The following ADGRG2 variants were observed in gnomAD, a reference collection of about 807,000 sequenced individuals.
ADGRG2 encodes the protein adhesion G protein-coupled receptor G2, also known as G protein-coupled receptor 64.
A neutral mutation model predicts 74.1 loss-of-function variants in ADGRG2; 26 were observed. The observed-to-expected ratio is 0.35, with a 90% CI of 0.26 to 0.49. The LOEUF is 0.49. Among genes scored for constraint, ADGRG2 ranks in the 20% least tolerant of loss-of-function variants. ADGRG2 has a pLI of 0.99. For synonymous variants in ADGRG2, 296 were observed against 295.2 expected, an observed-to-expected ratio of 1.00 and a Z score of -0.03; for missense variants, 619 against 763.1, an observed-to-expected ratio of 0.81 and a Z score of 2.22.
At chrX:19,078,403 A>T (rs2061788518) in intron 2 of ADGRG2, among the ~76,000 whole-genome samples, 1 of 110,228 alleles carries the variant, frequency 9.1e-6, no homozygotes, top group African/African-American at 3.3e-5. Flanking sequence ...AAAAAAATAA[A>T]AAAATTAGCC....
intron 3 of ADGRG2, among the ~76,000 whole-genome samples, chrX:19,049,782 GAAGA>G (rs2061281668): frequency 9.0e-6 from 1 of 111,163 alleles, no homozygotes; most frequent in South Asian, 3.8e-4. Flanking sequence ...GATAGAGTGT[GAAGA>G]AAGAACCCTC....
At chrX:19,028,160 T>TA (rs752545926) in intron 10 of ADGRG2, 23 bp downstream of exon 10, 115 of 867,162 alleles carry the variant, frequency 1.3e-4, no homozygotes, top group Non-Finnish European at 1.6e-4. Context: ...AAGATTGCAG[T>TA]AAAAAAAATC....
intron 19 of ADGRG2, among the ~76,000 whole-genome samples, chrX:19,007,563 A>G (rs2060263342): frequency 8.9e-6 from 1 of 112,356 alleles, no homozygotes; most frequent in South Asian, 3.7e-4. Context: ...ACTGAGCTAA[A>G]GCGCACAGAT....
At chrX:19,069,614 C>T (rs2061620685) in intron 2 of ADGRG2, among the ~76,000 whole-genome samples, 1 of 111,377 alleles carries the variant, frequency 9.0e-6, no homozygotes, top group South Asian at 3.8e-4. Flanking sequence ...CCAGGCCCCA[C>T]TGGCAGAGTG....
intron 1 of ADGRG2, among the ~76,000 whole-genome samples, chrX:19,121,951 C>T (rs974855651): frequency 1.6e-4 from 18 of 111,967 alleles, no homozygotes; most frequent in Non-Finnish European, 2.6e-4. Context: ...CCCGGGGCCA[C>T]CTGTTCGGGG....
intron 24 of ADGRG2, among the ~76,000 whole-genome samples, chrX:19,000,990 C>T (rs1431726439): frequency 9.0e-6 from 1 of 111,272 alleles, no homozygotes; most frequent in East Asian, 2.8e-4. Flanking sequence ...CCACCTCGGC[C>T]TCCCAAAGTG....
chrX:19,086,292 T>G (rs1179418234), intron 1 of ADGRG2, among the ~76,000 whole-genome samples: 1 of 111,157 alleles, frequency 9.0e-6, no homozygotes, highest in African/African-American at 3.3e-5. Context: ...TATCAACTTA[T>G]GTAAGACATG....
intron 24 of ADGRG2, among the ~76,000 whole-genome samples, chrX:19,002,225 G>A (rs1387255617): frequency 9.0e-6 from 1 of 110,710 alleles, no homozygotes; most frequent in Non-Finnish European, 1.9e-5. Context: ...TAAGTCAGGT[G>A]GAGTTGAGGG....
chrX:19,028,260 G>A (rs757033700), intron 9 of ADGRG2, 22 bp from the exon 10 acceptor site: 29 of 769,456 alleles, frequency 3.8e-5, no homozygotes, highest in Non-Finnish European at 4.4e-5. Flanking sequence ...TTTTCAAAAA[G>A]ATATTTGAGA....
chrX:19,003,920 T>A lies in ADGRG2; in HGVS notation c.1962-806A>T, dbSNP rs1224722390. Among the ~76,000 whole-genome samples the A allele has an allele frequency of 6.2e-5, 7 of 112,183 alleles. No homozygotes were observed. The Admixed American group carries it at 6.6e-4, about 11-fold the overall frequency. Reference sequence around the variant, plus strand: ...AATAGCATAGGAGAAGCCAGCTAATTGATGACATGTTCATGTTTATGCATG... The same window carrying A: ...AATAGCATAGGAGAAGCCAGCTAATAGATGACATGTTCATGTTTATGCATG... On this transcript the variant is annotated intron_variant, in intron 23 of 28. Transcript: ENST00000379869.
At position 18,990,425 on chromosome X, in the gene ADGRG2, A is replaced by G. The variant is rs945260465; in HGVS notation, c.*439T>C. The G allele has an allele frequency of 8.8e-6, 1 of 113,684 alleles. No individual in the cohort carries two copies. The highest frequency in any genetic ancestry group is 3.2e-5 in the African/African-American group (1 of 31,039). 9.4% of individuals were successfully genotyped at this position (113,684 alleles called of 1,213,427 possible). A position where few individuals can be genotyped will look rare whatever the true frequency, so the allele number is the denominator to read the frequency against. On this transcript the variant is annotated 3_prime_UTR_variant, in exon 29 of 29. Coordinates refer to ENST00000379869, the MANE Select transcript of ADGRG2 (RefSeq NM_001079858.3). ...AGAAAATAAATACAAAAAAATGTAG[A>G]AGTAAGATTTTTGACACATGGGTCA...
At chrX:18,993,454 G>A (rs2059958556) in intron 28 of ADGRG2, among the ~76,000 whole-genome samples, 1 of 108,660 alleles carries the variant, frequency 9.2e-6, no homozygotes, top group African/African-American at 3.4e-5. Flanking sequence ...AGGCTGAGGC[G>A]GGAGGATCAC....
chrX:19,006,081 T>C lies in ADGRG2; in HGVS notation c.1760A>G (p.Asn587Ser). 8.3e-7 allele frequency: 1 copy of C among 1,206,594 alleles called. No homozygotes were observed. Among genetic ancestry groups the C allele is most frequent in the African/African-American group, 1.7e-5 (1 of 57,651 alleles). The change falls in exon 22 of 29, where the codon AAT becomes AGT. Residue 587 changes from asparagine (N) to serine (S), a missense_variant. Coordinates refer to ENST00000379869, the MANE Select transcript of ADGRG2 (RefSeq NM_001079858.3). Reference sequence around the variant, plus strand: ...TCTCCTGTCTTTGACAGAGCAGCCATTGTCTGACCAGCCTCCTCTGCCACC... The same window carrying C: ...TCTCCTGTCTTTGACAGAGCAGCCACTGTCTGACCAGCCTCCTCTGCCACC... Reference protein sequence around the residue: ...RNGGRGGWSDNGCSVKDRRLN... With the variant: ...RNGGRGGWSDSGCSVKDRRLN...
intron 1 of ADGRG2, among the ~76,000 whole-genome samples, chrX:19,096,369 GCCACTGTACT>G (rs2062096287): frequency 9.6e-6 from 1 of 104,009 alleles, no homozygotes; most frequent in African/African-American, 3.6e-5. Flanking sequence ...CCAAGATTGC[GCCACTGTACT>G]CCAGCCTGGG....
At chrX:19,033,529 G>C (rs760738835) in intron 8 of ADGRG2, 84 bp downstream of exon 8, 1 of 519,757 alleles carries the variant, frequency 1.9e-6, no homozygotes, top group South Asian at 2.7e-5. Flanking sequence ...GGAAAAAAGA[G>C]AAAGAAATTA....
chrX:18,989,328 T>G lies in ADGRG2; in HGVS notation c.*1536A>C, dbSNP rs1386657409. 8.9e-6 allele frequency: 1 copy of G among 112,397 alleles called. No homozygotes were observed. Among genetic ancestry groups the G allele is most frequent in the Non-Finnish European group, 1.9e-5 (1 of 53,339 alleles). The allele number at this position is 112,397 out of a possible 1,213,427, so 9.3% of individuals were successfully genotyped here. On this transcript the variant is annotated 3_prime_UTR_variant, in exon 29 of 29. Coordinates refer to ENST00000379869, the MANE Select transcript of ADGRG2 (RefSeq NM_001079858.3). ...AAACTTAAAGATCTTAACTGCAAAT[T>G]TATTTCATTGATTTTAACATTTTTG...
At chrX:19,026,653 G>A (rs1445234592) in intron 11 of ADGRG2, among the ~76,000 whole-genome samples, 3 of 110,335 alleles carry the variant, frequency 2.7e-5, no homozygotes, top group Middle Eastern at 4.6e-3. Context: ...CCACCACCAC[G>A]CCCGGCTAAT....
intron 2 of ADGRG2, among the ~76,000 whole-genome samples, chrX:19,071,784 T>C (rs1364234368): frequency 9.0e-6 from 1 of 110,620 alleles, no homozygotes; most frequent in Non-Finnish European, 1.9e-5. Flanking sequence ...AAATTAACAT[T>C]TTTTAAAGTT....
chrX:19,048,969 A>G (rs1458770069), intron 3 of ADGRG2, among the ~76,000 whole-genome samples: 2 of 111,778 alleles, frequency 1.8e-5, no homozygotes, highest in Non-Finnish European at 3.8e-5. Flanking sequence ...TCCTCACTCA[A>G]TGGAATCGCC....
Sources: gnomAD v4.1 joint callset for allele counts (sites outside exome capture counted in the v4.1 genomes callset) on GRCh38, gnomAD v4.1.1 for gene constraint, MANE v1.5 for transcripts, NCBI Gene and HGNC (gene_info 2026-07-23, HGNC 2026-07-21) for gene names.